The following PGBD2 variants were observed in gnomAD, a reference collection of about 807,000 sequenced individuals.
PGBD2 encodes the protein piggyBac transposable element derived 2.
A neutral mutation model predicts 8.1 loss-of-function variants in PGBD2; 6 were observed. The ratio of observed to expected loss-of-function variants is 0.74; its 90% CI spans 0.40 to 1.46. The LOEUF is 1.46. Among genes scored for constraint, PGBD2 ranks in the 40% most tolerant of loss-of-function variants. The pLI is 0.02. For missense variants in PGBD2, 802 were observed against 739.0 expected, an observed-to-expected ratio of 1.09 and a Z score of -0.99; for synonymous variants, 318 against 272.2, an observed-to-expected ratio of 1.17 and a Z score of -1.66.
the PGBD2 span, among the ~76,000 whole-genome samples, chr1:248,928,703 A>T: frequency 2.0e-5 from 3 of 152,214 alleles, no homozygotes; most frequent in Non-Finnish European, 4.4e-5. Flanking sequence ...TAATAAGCAG[A>T]TTGGTAAAAA....
chr1:248,911,704 G>A (rs1182836123), intron 1 of PGBD2, among the ~76,000 whole-genome samples: 1 of 145,934 alleles, frequency 6.9e-6, no homozygotes, highest in Non-Finnish European at 1.5e-5. Context: ...GCTGGGCAGA[G>A]GCGCCCCTCA....
At chr1:248,875,370 C>G in the PGBD2 span, among the ~76,000 whole-genome samples, 1 of 151,122 alleles carries the variant, frequency 6.6e-6, no homozygotes, top group South Asian at 2.1e-4. Context: ...GTAAAACTGT[C>G]CCCCCAACTT....
At chr1:248,929,173 T>G in the PGBD2 span, among the ~76,000 whole-genome samples, 28 of 152,234 alleles carry the variant, frequency 1.8e-4, no homozygotes, top group Admixed American at 1.8e-3. Flanking sequence ...ATTGCCCAAT[T>G]AATTGTAGCC....
intron 2 of PGBD2, among the ~76,000 whole-genome samples, chr1:248,915,952 C>T (rs1001645036): frequency 3.3e-5 from 5 of 152,174 alleles, no homozygotes; most frequent in African/African-American, 7.2e-5. Flanking sequence ...ACTGCAGCTG[C>T]CCAGGGCTCC....
the PGBD2 span, among the ~76,000 whole-genome samples, chr1:248,889,688 C>T: frequency 1.8e-4 from 27 of 152,120 alleles, no homozygotes; most frequent in Non-Finnish European, 7.3e-5. Flanking sequence ...AACTGCCAAA[C>T]TTCACCCTCA....
Position 248,917,907 on chromosome 1 carries a change from T to C in PGBD2, c.1323T>C (p.Ala441=). The C allele has an allele frequency of 6.2e-7, 1 of 1,614,196 alleles. No homozygotes were observed. The highest frequency in any genetic ancestry group is 8.5e-7 in the Non-Finnish European group (1 of 1,180,038). ...TGACCAGTCGTCACTCTGGAGCAGC[T>C]AAAACGCGGACTCAGGTCCACCAGC... ...VRLTSRHSGA[A]KTRTQVHQPS... The change falls in exon 3 of 3, where the codon GCT becomes GCC. Residue 441 remains alanine, a synonymous_variant. Transcript: ENST00000329291.
chr1:248,923,088 G>T (rs1662318994), downstream of PGBD2, among the ~76,000 whole-genome samples: 1 of 152,096 alleles, frequency 6.6e-6, no homozygotes, highest in Non-Finnish European at 1.5e-5. Flanking sequence ...ATCTGGTCCT[G>T]GACTTTTTTT....
At chr1:248,883,043 T>C in the PGBD2 span, among the ~76,000 whole-genome samples, 1 of 152,224 alleles carries the variant, frequency 6.6e-6, no homozygotes, top group Non-Finnish European at 1.5e-5. Flanking sequence ...ATTGTTCATA[T>C]GGTCTGTTAT....
At chr1:248,914,645 G>A (rs1662026531) in intron 2 of PGBD2, 9 of 1,257,108 alleles carry the variant, frequency 7.2e-6, no homozygotes, top group Non-Finnish European at 8.3e-6. Context: ...GGCCTGCAAA[G>A]GGGCACAGGG....
At chr1:248,915,747 G>A (rs926167369) in intron 2 of PGBD2, among the ~76,000 whole-genome samples, 4 of 152,206 alleles carry the variant, frequency 2.6e-5, no homozygotes, top group South Asian at 2.1e-4. Context: ...TAGGATAACC[G>A]CAAGGGAGCT....
chr1:248,873,914 T>A, the PGBD2 span, among the ~76,000 whole-genome samples: 7 of 152,220 alleles, frequency 4.6e-5, no homozygotes. Context: ...GCCTGCGGGC[T>A]TTCTGGTCTC....
chr1:248,926,877 A>T, the PGBD2 span, among the ~76,000 whole-genome samples: 1 of 152,218 alleles, frequency 6.6e-6, no homozygotes, highest in Admixed American at 6.5e-5. Context: ...AATGGCAGAG[A>T]TCTACAGATT....
the PGBD2 span, among the ~76,000 whole-genome samples, chr1:248,928,120 T>G: frequency 2.6e-5 from 4 of 152,358 alleles, no homozygotes; most frequent in South Asian, 8.3e-4. Flanking sequence ...TCCCTGCTTT[T>G]TTGTCCCAGC....
At chr1:248,895,107 T>C in the PGBD2 span, among the ~76,000 whole-genome samples, 1 of 152,172 alleles carries the variant, frequency 6.6e-6, no homozygotes, top group Non-Finnish European at 1.5e-5. Context: ...ACCCAGCCTA[T>C]AACAACTTTT....
the PGBD2 span, among the ~76,000 whole-genome samples, chr1:248,927,098 GCTGGCT>G: frequency 6.6e-6 from 1 of 152,164 alleles, no homozygotes; most frequent in Non-Finnish European, 1.5e-5. Context: ...ACACACAAAG[GCTGGCT>G]CTGGGAGATG....
chr1:248,903,902 A>G (rs953331473), upstream of PGBD2, among the ~76,000 whole-genome samples: 6 of 152,342 alleles, frequency 3.9e-5, no homozygotes, highest in Admixed American at 3.3e-4. Flanking sequence ...GCTGCTATGT[A>G]CTAACATCAT....
At chr1:248,906,224 C>T (rs573277090), upstream of PGBD2, 2 of 151,932 alleles carry the variant, frequency 1.3e-5, no homozygotes, top group South Asian at 4.2e-4. Context: ...TGCAGCGAGC[C>T]CTCTGGTGCC....
At chr1:248,874,138 T>G in the PGBD2 span, among the ~76,000 whole-genome samples, 5,889 of 152,266 alleles carry the variant, frequency 0.039, 380 homozygotes, top group African/African-American at 0.13. Context: ...GGAAGCAGTC[T>G]GCATATTCCC....
upstream of PGBD2, among the ~76,000 whole-genome samples, chr1:248,903,941 G>A (rs549601722): frequency 2.0e-5 from 3 of 152,118 alleles, no homozygotes; most frequent in South Asian, 4.2e-4. Context: ...TAGTCAATGC[G>A]ACATGAGAAT....
Sources: allele counts gnomAD v4.1 joint callset (sites outside exome capture counted in the v4.1 genomes callset), GRCh38; gene constraint gnomAD v4.1.1; transcripts MANE v1.5; gene names NCBI Gene and HGNC (gene_info 2026-07-23, HGNC 2026-07-21).